Variants in GALNT7 observed in about 807,000 individuals in gnomAD.
GALNT7 encodes the protein N-acetylgalactosaminyltransferase 7.
In GALNT7, 60 loss-of-function variants were observed where a neutral mutation model predicts 82.1. The ratio of observed to expected loss-of-function variants is 0.73; its 90% CI spans 0.59 to 0.91. The LOEUF is 0.91. GALNT7 is among the 40% of genes least tolerant of loss of function. The pLI is 0.00. For missense variants in GALNT7, 660 were observed against 804.2 expected (o/e 0.82, Z 2.17); for synonymous variants, 243 against 275.1 (o/e 0.88, Z 1.15).
chr4:173,272,983 T>C (rs946403776), intron 2 of GALNT7, among the ~76,000 whole-genome samples: 15 of 152,228 alleles, frequency 9.9e-5, no homozygotes, highest in Admixed American at 3.9e-4. Context: ...TGTAAGTAAA[T>C]ATTACAACCT....
At chr4:173,214,969 G>C (rs1192066579) in intron 1 of GALNT7, among the ~76,000 whole-genome samples, 1 of 152,174 alleles carries the variant, frequency 6.6e-6, no homozygotes, top group Non-Finnish European at 1.5e-5. Context: ...CCAAATGCCA[G>C]TTCTTATAGT....
intron 11 of GALNT7, 134 bp from the exon 12 acceptor site, chr4:173,321,446 C>A: frequency 1.6e-6 from 1 of 637,184 alleles, no homozygotes; most frequent in Non-Finnish European, 2.8e-6. Flanking sequence ...CAAGAGAAAT[C>A]CAAAGTCTGA....
chr4:173,292,605 A>G lies in GALNT7; in HGVS notation c.754+331A>G, dbSNP rs899101688. 2.0e-5 allele frequency among the ~76,000 whole-genome samples: 3 copies of G among 152,210 alleles called. No individual in the cohort carries two copies. The highest frequency in any genetic ancestry group is 4.4e-5 in the Non-Finnish European group (3 of 68,016). On this transcript the variant is annotated intron_variant, in intron 3 of 11. Transcript: ENST00000265000. The surrounding 1 kb of genome is among the most constrained non-coding windows in gnomAD (Gnocchi z 4.8). ...AGATAAACATAGGTAGCATGAAAAT[A>G]TCGTTCAAAATGGCTTTATAAAAAA... is the stretch of plus-strand genomic sequence containing the variant.
In GALNT7 at chr4:173,317,616, C is replaced by T. The variant is rs1199929693; in HGVS notation, c.1609-18C>T. On this transcript the variant is annotated intron_variant, in intron 9 of 11. Coordinates refer to ENST00000265000, the MANE Select transcript of GALNT7 (RefSeq NM_017423.3). The stretch of plus-strand genomic sequence containing the variant: ...CTAAACTGTTGCCTGCTTTTTGCGT[C>T]TTTATTCATTTTTTTAGATCAGAGG... The T allele has an allele frequency of 6.7e-7, 1 of 1,499,580 alleles. No homozygotes were observed. The highest frequency in any genetic ancestry group is 9.3e-7 in the Non-Finnish European group (1 of 1,077,584). 92.9% of individuals were successfully genotyped at this position (1,499,580 alleles called of 1,614,324 possible). A position where few individuals can be genotyped will look rare whatever the true frequency, so the allele number is the denominator to read the frequency against.
At position 173,168,925 on chromosome 4, in the gene GALNT7, G is replaced by A. The variant is rs1207189416; in HGVS notation, c.90G>A (p.Pro30=). Residue 30 remains proline (P), a synonymous_variant, in exon 1 of 12, where the codon CCG becomes CCA. Coordinates refer to ENST00000265000, the MANE Select transcript of GALNT7 (RefSeq NM_017423.3). The stretch of plus-strand genomic sequence containing the variant: ...TGGTCCTCTGGTCTTCCCTGACCCC[G>A]CGGCCGGACGACCCAAGCCCGCTGA... The part of the protein sequence containing the change: ...GLVVLWSSLT[P]RPDDPSPLSR... 1.2e-6 allele frequency: 2 copies of A among 1,613,612 alleles called. No homozygotes were observed. The highest frequency in any genetic ancestry group is 1.7e-4 in the Middle Eastern group (1 of 6,052).
chr4:173,206,057 G>A (rs1429068558), intron 1 of GALNT7, among the ~76,000 whole-genome samples: 2 of 152,146 alleles, frequency 1.3e-5, no homozygotes, highest in Non-Finnish European at 2.9e-5. Context: ...GGCTGGCCTG[G>A]CACTGGGTGG....
At chr4:173,288,471 G>GA (rs1014861148) in intron 2 of GALNT7, among the ~76,000 whole-genome samples, 17 of 151,808 alleles carry the variant, frequency 1.1e-4, no homozygotes, top group African/African-American at 3.6e-4. Flanking sequence ...TCCCCATGGA[G>GA]AAAAAAATCC....
chr4:173,297,663 C>G, intron 5 of GALNT7: 1 of 457,284 alleles, frequency 2.2e-6, no homozygotes, highest in Non-Finnish European at 3.8e-6. Context: ...CATTCATTTA[C>G]TCTATTTCCC....
intron 2 of GALNT7, among the ~76,000 whole-genome samples, chr4:173,259,147 T>G (rs1403273857): frequency 6.6e-6 from 1 of 152,160 alleles, no homozygotes; most frequent in Non-Finnish European, 1.5e-5. Flanking sequence ...ATCACTGCTG[T>G]AAGGGGTTAA....
At chr4:173,231,865 G>T (rs1400949076) in intron 1 of GALNT7, among the ~76,000 whole-genome samples, 1 of 152,170 alleles carries the variant, frequency 6.6e-6, no homozygotes, top group Non-Finnish European at 1.5e-5. Flanking sequence ...CTCTTCCTGT[G>T]CAAAAGGAGC....
At chr4:173,300,031 T>G (rs1409841275) in intron 6 of GALNT7, among the ~76,000 whole-genome samples, 1 of 152,206 alleles carries the variant, frequency 6.6e-6, no homozygotes, top group African/African-American at 2.4e-5. Context: ...ATTGAAAATA[T>G]TTCTTGATTC....
intron 1 of GALNT7, among the ~76,000 whole-genome samples, chr4:173,235,620 A>G (rs897338675): frequency 4.7e-5 from 7 of 150,414 alleles, no homozygotes; most frequent in African/African-American, 1.5e-4. Flanking sequence ...CAGTGGCACA[A>G]TCTCTGCTCA....
chr4:173,218,950 G>T (rs1027804571), intron 1 of GALNT7, among the ~76,000 whole-genome samples: 2 of 151,918 alleles, frequency 1.3e-5, no homozygotes, highest in South Asian at 4.2e-4. Flanking sequence ...TAAATTCTTG[G>T]TCATTTTAGT....
intron 2 of GALNT7, among the ~76,000 whole-genome samples, chr4:173,262,708 C>T (rs575952451): frequency 1.3e-5 from 2 of 152,242 alleles, no homozygotes; most frequent in East Asian, 3.9e-4. Context: ...AAAAATAAAT[C>T]ATAAAAACTT....
chr4:173,176,195 T>G (rs1732037419), intron 1 of GALNT7, among the ~76,000 whole-genome samples: 1 of 152,082 alleles, frequency 6.6e-6, no homozygotes, highest in Non-Finnish European at 1.5e-5. Flanking sequence ...ATCATGCAAA[T>G]CTGGCGGAAA....
In GALNT7 at chr4:173,210,147, A is replaced by G. The variant is rs540255132; in HGVS notation, c.127-37833A>G. Among the ~76,000 whole-genome samples the G allele has an allele frequency of 1.7e-4, 26 of 152,250 alleles. No homozygotes were observed. The East Asian group carries it at 5.0e-3, about 29-fold the overall frequency. On this transcript the variant is annotated intron_variant, in intron 1 of 11. Transcript: ENST00000265000. The stretch of plus-strand genomic sequence containing the variant: ...AGACTCCGTCTCAAAAAAAGAAAAA[A>G]AAAAAAAGAAATACTTATTTAATTA...
chr4:173,271,453 A>G (rs60492016), intron 2 of GALNT7, among the ~76,000 whole-genome samples: 3,617 of 151,750 alleles, frequency 0.024, 151 homozygotes, highest in African/African-American at 0.081. Context: ...TTGTTTGTTT[A>G]TTTATTTATT....
At chr4:173,178,007 CTGTGTG>C (rs70944437) in intron 1 of GALNT7, among the ~76,000 whole-genome samples, 11,845 of 137,612 alleles carry the variant, frequency 0.086, 568 homozygotes, top group African/African-American at 0.11. Flanking sequence ...ATCCGCAAGT[CTGTGTG>C]TGTGTGTGTG....
intron 1 of GALNT7, among the ~76,000 whole-genome samples, chr4:173,237,564 G>A (rs936421941): frequency 2.0e-5 from 3 of 152,134 alleles, no homozygotes; most frequent in Non-Finnish European, 1.5e-5. Context: ...ATTATTTTCT[G>A]TTGGTGACTT....
Sources: allele counts gnomAD v4.1 joint callset (sites outside exome capture counted in the v4.1 genomes callset), GRCh38; gene constraint gnomAD v4.1.1; non-coding constraint Gnocchi (gnomAD v3.1); transcripts MANE v1.5; gene names NCBI Gene and HGNC (gene_info 2026-07-23, HGNC 2026-07-21).